The following UTP20 variants were observed in gnomAD, a reference collection of about 807,000 sequenced individuals.
UTP20 encodes the protein UTP20 small subunit processome component.
A neutral mutation model predicts 329.5 loss-of-function variants in UTP20; 164 were observed. The observed-to-expected ratio is 0.50, with a 90% CI of 0.44 to 0.57. The LOEUF (loss-of-function observed/expected upper bound fraction) is 0.57, where lower values mean the gene tolerates loss of function less well. Among genes scored for constraint, UTP20 ranks in the 20% least tolerant of loss-of-function variants. The probability of loss-of-function intolerance (pLI) is 0.00; values close to 1 mark genes in which losing one functional copy is unlikely to be tolerated. For missense variants in UTP20, 3,055 were observed against 3,284.2 expected, an observed-to-expected ratio of 0.93 and a Z score of 1.71; for synonymous variants, 1,151 against 1,159.3, an observed-to-expected ratio of 0.99 and a Z score of 0.14.
intron 52 of UTP20, 85 bp downstream of exon 52, chr12:101,373,048 G>A: frequency 8.9e-7 from 1 of 1,122,858 alleles, no homozygotes; most frequent in Non-Finnish European, 1.3e-6. Flanking sequence ...AAAGGATGGG[G>A]CCTAAGTATA....
intron 2 of UTP20, among the ~76,000 whole-genome samples, chr12:101,282,267 G>C (rs1446792607): frequency 6.6e-6 from 1 of 150,852 alleles, no homozygotes; most frequent in Non-Finnish European, 1.5e-5. Flanking sequence ...CATTCTTTAG[G>C]GGTGTCAAAA....
At chr12:101,303,427 G>C (rs528898356) in intron 15 of UTP20, among the ~76,000 whole-genome samples, 1 of 152,272 alleles carries the variant, frequency 6.6e-6, no homozygotes, top group African/African-American at 2.4e-5. Context: ...AAATCAAGGT[G>C]AACTTACTGA....
chr12:101,352,877 C>T (rs111497793), intron 39 of UTP20, among the ~76,000 whole-genome samples, 170 bp from the exon 40 acceptor site: 20 of 152,098 alleles, frequency 1.3e-4, no homozygotes, highest in African/African-American at 4.3e-4. Flanking sequence ...TTTCTGTAAT[C>T]TCAATTTACT....
In UTP20 at chr12:101,306,011, T is replaced by C; in HGVS notation, c.1878T>C (p.Ala626=). ...CGCKGPLSQE[A]LMELFPKLQA... ...GCAAAGGGCCACTTTCCCAGGAGGCTTTAATGGAATTATTTCCCAAGTTAC... is the reference window on the plus strand; with the variant it reads ...GCAAAGGGCCACTTTCCCAGGAGGCCTTAATGGAATTATTTCCCAAGTTAC... Residue 626 remains alanine, a synonymous_variant, in exon 16 of 62, where the codon GCT becomes GCC. Transcript: ENST00000261637. The C allele has an allele frequency of 6.2e-7, 1 of 1,613,890 alleles. No homozygotes were observed. Among genetic ancestry groups the C allele is most frequent in the Non-Finnish European group, 8.5e-7 (1 of 1,179,854 alleles).
At position 101,311,810 on chromosome 12, in the gene UTP20, G is replaced by T. The variant is rs1183081988; in HGVS notation, c.2311+12G>T. The T allele has an allele frequency of 1.2e-5, 19 of 1,598,222 alleles. No individual in the cohort carries two copies. In the East Asian group the frequency reaches 4.2e-4, roughly 36 times the overall value. On this transcript the variant is annotated intron_variant, in intron 20 of 61. Coordinates refer to ENST00000261637, the MANE Select transcript of UTP20 (RefSeq NM_014503.3). ...AGCTACGCATGCTGGTATGTAAAGG[G>T]GTTGTGAGGAAGCTGCGAAGAAAAG... is the stretch of plus-strand genomic sequence containing the variant.
chr12:101,345,478 GT>G, intron 36 of UTP20, 75 bp from the exon 37 acceptor site: 1 of 985,768 alleles, frequency 1.0e-6, no homozygotes, highest in Non-Finnish European at 1.4e-6. Context: ...AAAATTTTAT[GT>G]TTTTTTCTGT....
In UTP20 at chr12:101,331,042, T is replaced by A. The variant is rs923401052; in HGVS notation, c.3417+1593T>A. Among the ~76,000 whole-genome samples the A allele has an allele frequency of 2.4e-4, 37 of 152,250 alleles. 1 individual carries two copies. The highest frequency in any genetic ancestry group is 2.1e-4 in the South Asian group (1 of 4,830). Reference sequence around the variant, plus strand: ...GGCATTGATCGGTATTGAAAGATACTTGAAAATTGTTGGTTTTGAGGTTTT... The same window carrying A: ...GGCATTGATCGGTATTGAAAGATACATGAAAATTGTTGGTTTTGAGGTTTT... On this transcript the variant is annotated intron_variant, in intron 27 of 61. Coordinates refer to ENST00000261637, the MANE Select transcript of UTP20 (RefSeq NM_014503.3).
intron 32 of UTP20, among the ~76,000 whole-genome samples, chr12:101,340,954 T>TGAGATGGGGG (rs1869107413): frequency 4.8e-5 from 1 of 20,960 alleles, no homozygotes; most frequent in African/African-American, 3.4e-4. Context: ...TTTTTTTTTT[T>TGAGATGGGGG]TTTTTTTTTT....
intron 32 of UTP20, among the ~76,000 whole-genome samples, chr12:101,341,189 G>T (rs1034210795): frequency 1.3e-5 from 2 of 151,906 alleles, no homozygotes; most frequent in Non-Finnish European, 2.9e-5. Flanking sequence ...TGTTGGCCAG[G>T]CTGGCCTGGA....
chr12:101,280,146 G>T lies in UTP20; in HGVS notation c.-137G>T. The T allele has an allele frequency of 1.7e-6, 2 of 1,166,030 alleles. No homozygotes were observed. Among genetic ancestry groups the T allele is most frequent in the Non-Finnish European group, 1.2e-6 (1 of 831,722 alleles). 72.2% of individuals were successfully genotyped at this position (1,166,030 alleles called of 1,614,324 possible). ...GTCTCCAACATGGCGGCGCCCAGGGGCTCAAGCCGCACGTGAGAAAGTCTG... is the reference window on the plus strand; with the variant it reads ...GTCTCCAACATGGCGGCGCCCAGGGTCTCAAGCCGCACGTGAGAAAGTCTG... On this transcript the variant is annotated 5_prime_UTR_variant, in exon 1 of 62. Coordinates refer to ENST00000261637, the MANE Select transcript of UTP20 (RefSeq NM_014503.3).
At chr12:101,343,895 T>G (rs1213519515) in intron 35 of UTP20, among the ~76,000 whole-genome samples, 1 of 152,200 alleles carries the variant, frequency 6.6e-6, no homozygotes, top group Non-Finnish European at 1.5e-5. Flanking sequence ...TAATTGAAAA[T>G]TATCCCTTTT....
chr12:101,303,707 A>C (rs1289476482), intron 15 of UTP20, among the ~76,000 whole-genome samples: 2 of 152,110 alleles, frequency 1.3e-5, no homozygotes, highest in African/African-American at 4.8e-5. Flanking sequence ...CTCTGAATGA[A>C]AGGGGAGGCC....
intron 21 of UTP20, among the ~76,000 whole-genome samples, chr12:101,313,237 G>C (rs2137253977): frequency 6.6e-6 from 1 of 152,230 alleles, no homozygotes; most frequent in East Asian, 1.9e-4. Flanking sequence ...AATGCTGTAG[G>C]GTTAGGTCAA....
chr12:101,335,370 G>T (rs1166071459), intron 29 of UTP20, among the ~76,000 whole-genome samples: 1 of 152,164 alleles, frequency 6.6e-6, no homozygotes, highest in East Asian at 1.9e-4. Context: ...TAATAATTAT[G>T]TCAGCAGTTT....
chr12:101,336,132 G>C (rs1039356131), intron 29 of UTP20, among the ~76,000 whole-genome samples: 6 of 152,168 alleles, frequency 3.9e-5, no homozygotes, highest in African/African-American at 1.4e-4. Flanking sequence ...TTAGGCAGCA[G>C]AACCTTTTTT....
chr12:101,286,844 G>C (rs1285303876), intron 5 of UTP20, among the ~76,000 whole-genome samples: 1 of 151,992 alleles, frequency 6.6e-6, no homozygotes, highest in Non-Finnish European at 1.5e-5. Flanking sequence ...ACTTTTACCA[G>C]AATTGTTTGG....
chr12:101,382,018 C>CAAAA (rs756789889), intron 58 of UTP20, among the ~76,000 whole-genome samples: 3,709 of 106,966 alleles, frequency 0.035, 163 homozygotes, highest in African/African-American at 0.068. Flanking sequence ...GACTCTGTAT[C>CAAAA]AAAAAAAAAA....
In UTP20 at chr12:101,383,617, A is replaced by G. The variant is rs760673683; in HGVS notation, c.8004A>G (p.Pro2668=). Residue 2668 remains proline, a synonymous_variant, in exon 60 of 62, where the codon CCA becomes CCG. Transcript: ENST00000261637. ...TAGACAAGGTAAAGCCGTATCTCCC[A>G]ATGATCATAGCTCCTTTGTTTCGGG... ...LGIDKVKPYL[P]MIIAPLFREL... is the part of the protein sequence containing the mutation. 29 of 1,613,760 alleles carry G rather than the reference A, an allele frequency of 1.8e-5. No individual in the cohort carries two copies. The highest frequency in any genetic ancestry group is 2.2e-5 in the Non-Finnish European group (26 of 1,179,914).
At chr12:101,326,585 A>G (rs1868565118) in intron 25 of UTP20, among the ~76,000 whole-genome samples, 1 of 151,842 alleles carries the variant, frequency 6.6e-6, no homozygotes, top group South Asian at 2.1e-4. Flanking sequence ...TCCTTATTTT[A>G]CTTACAATTG....
Sources: allele counts gnomAD v4.1 joint callset (sites outside exome capture counted in the v4.1 genomes callset), GRCh38; gene constraint gnomAD v4.1.1; transcripts MANE v1.5; gene names NCBI Gene and HGNC (gene_info 2026-07-23, HGNC 2026-07-21).